Variants in RTKN2 observed in about 807,000 individuals in gnomAD.
RTKN2 encodes rhotekin 2, also known as rhotekin-2.
RTKN2 carries 69 observed loss-of-function variants against 71.5 expected under a neutral mutation model. The ratio of observed to expected loss-of-function variants is 0.96; its 90% confidence interval spans 0.79 to 1.18. The LOEUF (loss-of-function observed/expected upper bound fraction) is 1.18, where lower values mean the gene tolerates loss of function less well. RTKN2 is among the 50% of genes most tolerant of loss of function. The pLI, the probability that RTKN2 is intolerant of heterozygous loss-of-function variation, is 0.00. For synonymous variants in RTKN2, 236 were observed against 236.5 expected (o/e 1.00, Z 0.02); for missense variants, 724 against 719.7 (o/e 1.01, Z -0.07).
chr10:62,261,658 T>A (rs1030588156), intron 2 of RTKN2, among the ~76,000 whole-genome samples: 2 of 151,930 alleles, frequency 1.3e-5, no homozygotes, highest in Non-Finnish European at 2.9e-5. Flanking sequence ...CTTTAAAAAA[T>A]AAATAAATAA....
chr10:62,199,943 A>G (rs1312458228), intron 10 of RTKN2, 82 bp from the exon 11 acceptor site: 8 of 888,694 alleles, frequency 9.0e-6, no homozygotes, highest in African/African-American at 3.4e-5. Flanking sequence ...ATAGCAATAC[A>G]TTTTTGCTTT....
At position 62,196,986 on chromosome 10, in the gene RTKN2, C is replaced by A; in HGVS notation, c.*922G>T. 3.1e-6 allele frequency: 3 copies of A among 971,192 alleles called. No homozygotes were observed. Among genetic ancestry groups the A allele is most frequent in the Non-Finnish European group, 3.7e-6 (3 of 817,230 alleles). The allele number at this position is 971,192 out of a possible 1,614,324, so 60.2% of individuals were successfully genotyped here. A position where few individuals can be genotyped will look rare whatever the true frequency, so the allele number is the denominator to read the frequency against. ...AATGAAAAATACCACTAGCAGACAT[C>A]AACTCTTACTAGGAAAAGGAAATCT... is the stretch of plus-strand genomic sequence containing the variant. On this transcript the variant is annotated 3_prime_UTR_variant, in exon 12 of 12. Transcript: ENST00000373789.
chr10:62,250,244 AAAAG>A (rs1842554618), intron 2 of RTKN2, among the ~76,000 whole-genome samples: 1 of 152,232 alleles, frequency 6.6e-6, no homozygotes, highest in South Asian at 2.1e-4. Context: ...CAGGAGAGGT[AAAAG>A]AAAGGGCTCC....
At chr10:62,267,539 A>G (rs981776295) in intron 1 of RTKN2, among the ~76,000 whole-genome samples, 13 of 152,264 alleles carry the variant, frequency 8.5e-5, no homozygotes, top group South Asian at 2.1e-4. Flanking sequence ...ATAAAACAGC[A>G]TAAGTATTAC....
At chr10:62,187,944 G>A (rs556110088) in intron 8 of RTKN2, among the ~76,000 whole-genome samples, 5 of 152,102 alleles carry the variant, frequency 3.3e-5, no homozygotes, top group Non-Finnish European at 5.9e-5. Context: ...GACATTCAAG[G>A]CCATCCATGA....
At chr10:62,187,725 T>G (rs1841159208) in intron 8 of RTKN2, among the ~76,000 whole-genome samples, 1 of 152,210 alleles carries the variant, frequency 6.6e-6, no homozygotes, top group Non-Finnish European at 1.5e-5. Context: ...AACTGGCCTG[T>G]GCCCTCGGTG....
intron 9 of RTKN2, chr10:62,215,016 C>T: frequency 1.5e-6 from 2 of 1,306,664 alleles, no homozygotes; most frequent in Non-Finnish European, 1.1e-6. Context: ...GCTGTCATCC[C>T]TGCTTTGCCT....
chr10:62,208,286 TA>T (rs1409538999), intron 9 of RTKN2, among the ~76,000 whole-genome samples: 1 of 152,096 alleles, frequency 6.6e-6, no homozygotes, highest in Non-Finnish European at 1.5e-5. Flanking sequence ...TATACGACCA[TA>T]AAAAATGCAC....
chr10:62,239,762 G>T lies in RTKN2; in HGVS notation c.374C>A (p.Ser125Ter). 1 of 1,504,392 alleles carries T rather than the reference G, an allele frequency of 6.6e-7. No individual in the cohort carries two copies. Among genetic ancestry groups the T allele is most frequent in the Non-Finnish European group, 9.2e-7 (1 of 1,090,758 alleles). 93.2% of individuals were successfully genotyped at this position (1,504,392 alleles called of 1,614,324 possible). A position where few individuals can be genotyped will look rare whatever the true frequency, so the allele number is the denominator to read the frequency against. Residue 125 changes from serine to a stop codon, truncating the protein, a stop_gained, in exon 5 of 12, where the codon TCA (serine) becomes TAA (stop). Transcript: ENST00000373789. LOFTEE classifies it high-confidence loss of function. ...DSDHFSNKER[S>*]RRYAIFCLFK... ...TAAACAAAAAATGGCATAGCGTCGT[G>T]ATCCTGGAGGAAAAATAACAACATA...
intron 8 of RTKN2, among the ~76,000 whole-genome samples, chr10:62,187,701 A>G (rs932758523): frequency 6.6e-6 from 1 of 152,190 alleles, no homozygotes; most frequent in African/African-American, 2.4e-5. Flanking sequence ...TATATTGACA[A>G]AGCATGCCTA....
At chr10:62,239,475 TAGAG>T (rs1842325921) in intron 5 of RTKN2, 169 bp downstream of exon 5, 5 of 421,454 alleles carry the variant, frequency 1.2e-5, no homozygotes, top group Non-Finnish European at 2.1e-5. Flanking sequence ...AAACTGCAGA[TAGAG>T]AAATGGACTT....
chr10:62,184,316 G>T, exon 9 of RTKN2: 1 of 1,512,810 alleles, frequency 6.6e-7, no homozygotes, highest in Non-Finnish European at 9.0e-7. Context: ...TGAAGTATTT[G>T]AGAAGCTATG....
chr10:62,228,672 T>TG (rs570584379), intron 6 of RTKN2, among the ~76,000 whole-genome samples: 209 of 152,064 alleles, frequency 1.4e-3, no homozygotes, highest in African/African-American at 4.8e-3. Context: ...GTAGGATAGG[T>TG]GGGGAGGAAA....
rs1046627972 is a variant in RTKN2 at position 62,193,271 on chromosome 10, C to A, written c.*4637G>T. 142 of 969,296 alleles carry A rather than the reference C, an allele frequency of 1.5e-4. No individual in the cohort carries two copies. Among genetic ancestry groups the A allele is most frequent in the Non-Finnish European group, 1.5e-4 (126 of 815,380 alleles). 60.0% of individuals were successfully genotyped at this position (969,296 alleles called of 1,614,324 possible). A position where few individuals can be genotyped will look rare whatever the true frequency, so the allele number is the denominator to read the frequency against. On this transcript the variant is annotated 3_prime_UTR_variant, in exon 12 of 12. Transcript: ENST00000373789. Reference sequence around the variant, plus strand: ...TATGTATATACAAGATCTTTTCAATCTACCTCTCCTTTAGTAGTTACATTA... The same window carrying A: ...TATGTATATACAAGATCTTTTCAATATACCTCTCCTTTAGTAGTTACATTA...
At chr10:62,243,591 C>T (rs749256736) in intron 3 of RTKN2, among the ~76,000 whole-genome samples, 7 of 152,118 alleles carry the variant, frequency 4.6e-5, no homozygotes, top group Non-Finnish European at 8.8e-5. Context: ...GGGTAGATAT[C>T]AGCTCCACAA....
At chr10:62,255,148 T>C (rs775206345) in intron 2 of RTKN2, among the ~76,000 whole-genome samples, 2 of 152,216 alleles carry the variant, frequency 1.3e-5, no homozygotes, top group South Asian at 2.1e-4. Flanking sequence ...TAAGGAAATC[T>C]TGAACTTGCC....
chr10:62,197,632 T>G lies in RTKN2; in HGVS notation c.*276A>C. On this transcript the variant is annotated 3_prime_UTR_variant, in exon 12 of 12. Transcript: ENST00000373789. ...TGCCTAGGGCTTATTCACTGCCTGG[T>G]ACTAATTCAGGAATAAATTAACCCT... is the stretch of plus-strand genomic sequence containing the variant. 1 of 1,219,028 alleles carries G rather than the reference T, an allele frequency of 8.2e-7. No homozygotes were observed. Among genetic ancestry groups the G allele is most frequent in the Non-Finnish European group, 1.0e-6 (1 of 976,166 alleles). 75.5% of individuals were successfully genotyped at this position (1,219,028 alleles called of 1,614,324 possible). A position where few individuals can be genotyped will look rare whatever the true frequency, so the allele number is the denominator to read the frequency against.
intron 9 of RTKN2, among the ~76,000 whole-genome samples, chr10:62,205,778 G>A (rs1400967910): frequency 6.6e-6 from 1 of 152,108 alleles, no homozygotes; most frequent in Non-Finnish European, 1.5e-5. Context: ...ATTCTGAGAA[G>A]TCTATTCCCA....
At chr10:62,209,940 CT>C (rs1841626155) in intron 9 of RTKN2, among the ~76,000 whole-genome samples, 1 of 152,096 alleles carries the variant, frequency 6.6e-6, no homozygotes, top group Non-Finnish European at 1.5e-5. Flanking sequence ...GTGCATGTGT[CT>C]TTATAATAGA....
Sources: gnomAD v4.1 joint callset for allele counts (sites outside exome capture counted in the v4.1 genomes callset) on GRCh38, gnomAD v4.1.1 for gene constraint, MANE v1.5 for transcripts, NCBI Gene and HGNC (gene_info 2026-07-23, HGNC 2026-07-21) for gene names.